Variants in BRPF3 observed in about 807,000 individuals in gnomAD.
BRPF3 encodes bromodomain and PHD finger-containing protein 3.
A neutral mutation model predicts 102.0 loss-of-function variants in BRPF3; 18 were observed. The observed-to-expected ratio is 0.18, with a 90% CI of 0.12 to 0.26. The LOEUF is 0.26. Among genes scored for constraint, BRPF3 ranks in the 10% least tolerant of loss-of-function variants. The pLI, the probability that BRPF3 is intolerant of heterozygous loss-of-function variation, is 1.00. For synonymous variants in BRPF3, 570 were observed against 614.2 expected, an observed-to-expected ratio of 0.93 and a Z score of 1.06; for missense variants, 1,147 against 1,567.8, an observed-to-expected ratio of 0.73 and a Z score of 4.53.
intron 9 of BRPF3, among the ~76,000 whole-genome samples, chr6:36,218,394 G>A (rs748956063): frequency 1.5e-4 from 23 of 151,922 alleles, no homozygotes; most frequent in Middle Eastern, 6.8e-3. Flanking sequence ...CTTTTGGGGC[G>A]TCATAGCCTC....
chr6:36,227,710 G>C (rs1014774677), intron 11 of BRPF3, among the ~76,000 whole-genome samples: 35 of 152,314 alleles, frequency 2.3e-4, no homozygotes, highest in Admixed American at 5.9e-4. Flanking sequence ...TTCTCCTTAA[G>C]ACCCTTTACT....
At chr6:36,226,859 C>A (rs1378748426) in intron 11 of BRPF3, among the ~76,000 whole-genome samples, 4 of 152,380 alleles carry the variant, frequency 2.6e-5, no homozygotes, top group Non-Finnish European at 1.5e-5. Flanking sequence ...GAGTTAGGGC[C>A]TGGGGCTGCC....
chr6:36,208,267 T>C (rs1008989829), intron 4 of BRPF3, among the ~76,000 whole-genome samples: 2 of 152,174 alleles, frequency 1.3e-5, no homozygotes, highest in Non-Finnish European at 2.9e-5. Flanking sequence ...ATTAAGTGGA[T>C]GAAAAGCCAA....
chr6:36,198,296 G>A (rs73413692), intron 1 of BRPF3, among the ~76,000 whole-genome samples: 4,957 of 152,242 alleles, frequency 0.033, 131 homozygotes, highest in African/African-American at 0.074. Flanking sequence ...TTAACAAGTA[G>A]CACCTAGAGA....
intron 12 of BRPF3, among the ~76,000 whole-genome samples, chr6:36,229,804 T>C (rs916538052): frequency 1.3e-4 from 20 of 152,196 alleles, no homozygotes; most frequent in African/African-American, 4.6e-4. Flanking sequence ...ATATATCTGA[T>C]CTCTTTTAAT....
In BRPF3 at chr6:36,200,072, A is replaced by G. The variant is rs1395942950; in HGVS notation, c.-26-225A>G. 6.6e-6 allele frequency among the ~76,000 whole-genome samples: 1 copy of G among 152,242 alleles called. No individual in the cohort carries two copies. Among genetic ancestry groups the G allele is most frequent in the African/African-American group, 2.4e-5 (1 of 41,466 alleles). ...TTGCTGGTGGAGGAAAAGGATTTGC[A>G]ATTTTAGATAAAGTGGTCAGAGAAG... On this transcript the variant is annotated intron_variant, in intron 1 of 12. Coordinates refer to ENST00000357641, the MANE Select transcript of BRPF3 (RefSeq NM_015695.3). The surrounding 1 kb of genome is among the most constrained non-coding windows in gnomAD (Gnocchi z 5.3).
At chr6:36,216,413 C>G (rs1203676637) in intron 8 of BRPF3, among the ~76,000 whole-genome samples, 3 of 152,222 alleles carry the variant, frequency 2.0e-5, no homozygotes, top group South Asian at 2.1e-4. Flanking sequence ...CTGCTAGAAT[C>G]CTGTCTCTCA....
At chr6:36,203,082 A>G (rs1767776605) in intron 2 of BRPF3, among the ~76,000 whole-genome samples, 1 of 152,212 alleles carries the variant, frequency 6.6e-6, no homozygotes, top group African/African-American at 2.4e-5. Context: ...GTGGATGCTT[A>G]GTTCCCATCT....
In BRPF3 at chr6:36,222,177, G is replaced by A. The variant is rs757044879; in HGVS notation, c.3093G>A (p.Thr1031=). ...GLAFEACSGL[T]PPKRSRGKPA... ...CCTGCTCTGTGTGCAGTGGTCTGACGCCCCCCAAACGCAGCCGTGGGAAGC... is the reference window on the plus strand; with the variant it reads ...CCTGCTCTGTGTGCAGTGGTCTGACACCCCCCAAACGCAGCCGTGGGAAGC... The change falls in exon 10 of 13, where the codon ACG becomes ACA. Residue 1031 remains threonine, a synonymous_variant. Transcript: ENST00000357641. 1.7e-5 allele frequency: 26 copies of A among 1,550,100 alleles called. No homozygotes were observed. Among genetic ancestry groups the A allele is most frequent in the Non-Finnish European group, 2.1e-5 (24 of 1,147,050 alleles).
chr6:36,222,490 TAAAAATC>T (rs1768585548), intron 10 of BRPF3, among the ~76,000 whole-genome samples: 1 of 151,308 alleles, frequency 6.6e-6, no homozygotes, highest in Non-Finnish European at 1.5e-5. Context: ...CCCATAGTAA[TAAAAATC>T]AAAAAGGTAC....
At chr6:36,229,596 G>T (rs7754042) in intron 12 of BRPF3, among the ~76,000 whole-genome samples, 11,139 of 152,212 alleles carry the variant, frequency 0.073, 747 homozygotes, top group African/African-American at 0.18. Flanking sequence ...TCCTGAGGGG[G>T]GTTCTGGCCA....
chr6:36,207,580 C>G, intron 4 of BRPF3, 136 bp downstream of exon 4: 1 of 1,185,598 alleles, frequency 8.4e-7, no homozygotes, highest in Non-Finnish European at 1.2e-6. Flanking sequence ...ATTGTAGGCT[C>G]CAAGATCTGC....
chr6:36,209,983 A>T, intron 5 of BRPF3, 68 bp downstream of exon 5: 1 of 1,590,626 alleles, frequency 6.3e-7, no homozygotes, highest in Non-Finnish European at 8.6e-7. Context: ...GTAGGCTAGG[A>T]AGGAGTTGGG....
At chr6:36,221,733 G>A (rs535652616) in intron 9 of BRPF3, among the ~76,000 whole-genome samples, 4 of 152,130 alleles carry the variant, frequency 2.6e-5, no homozygotes, top group Admixed American at 2.6e-4. Flanking sequence ...AGAAAATTTG[G>A]CAAAGAGGCA....
In BRPF3 at chr6:36,230,090, GC is replaced by G. The variant is rs1204553672; in HGVS notation, c.3435-333del. ...TCTCCAACGCAAGGCGAGGCTCAGAGCCCTCCAGGGTGGCTCAGCTGGCCCC... is the reference window on the plus strand; with the variant it reads ...TCTCCAACGCAAGGCGAGGCTCAGAGCCTCCAGGGTGGCTCAGCTGGCCCC... On this transcript the variant is annotated intron_variant, in intron 12 of 12. Transcript: ENST00000357641. The surrounding 1 kb of genome is among the most constrained non-coding windows in gnomAD (Gnocchi z 5.4). Among the ~76,000 whole-genome samples, 3 of 152,178 alleles carry G rather than the reference GC, an allele frequency of 2.0e-5. No individual in the cohort carries two copies. The highest frequency in any genetic ancestry group is 4.4e-5 in the Non-Finnish European group (3 of 68,020).
chr6:36,210,637 G>C lies in BRPF3; in HGVS notation c.2179+109G>C. Reference sequence around the variant, plus strand: ...CCTTGGGGCTATAGGTAGACTCCAGGAGCAAAGCTGAGGGTGAGCACAGAC... The same window carrying C: ...CCTTGGGGCTATAGGTAGACTCCAGCAGCAAAGCTGAGGGTGAGCACAGAC... On this transcript the variant is annotated intron_variant, in intron 6 of 12. Transcript: ENST00000357641. This position sits in a 1 kb window ranked among gnomAD's most constrained non-coding sequence, Gnocchi z 4.7. 1 of 986,572 alleles carries C rather than the reference G, an allele frequency of 1.0e-6. No individual in the cohort carries two copies. Among genetic ancestry groups the C allele is most frequent in the Non-Finnish European group, 1.5e-6 (1 of 680,176 alleles). The allele number at this position is 986,572 out of a possible 1,614,324, so 61.1% of individuals were successfully genotyped here.
chr6:36,204,821 G>A lies in BRPF3; in HGVS notation c.1605+7G>A. ...CCAAAGAAACGCTGAGCAGGTAGGT[G>A]CAGTGGTGATTTGAGGCTGGTAGAG... On this transcript the variant is annotated splice_region_variant and intron_variant, in intron 3 of 12. Coordinates refer to ENST00000357641, the MANE Select transcript of BRPF3 (RefSeq NM_015695.3). The A allele has an allele frequency of 6.2e-7, 1 of 1,611,392 alleles. No homozygotes were observed. Among genetic ancestry groups the A allele is most frequent in the Non-Finnish European group, 8.5e-7 (1 of 1,177,702 alleles).
intron 7 of BRPF3, among the ~76,000 whole-genome samples, chr6:36,213,637 T>C (rs1198028069): frequency 6.6e-6 from 1 of 151,472 alleles, no homozygotes; most frequent in Non-Finnish European, 1.5e-5. Flanking sequence ...CAGGAGTTTG[T>C]GGTTGCAGTG....
Sources: allele counts gnomAD v4.1 joint callset (sites outside exome capture counted in the v4.1 genomes callset), GRCh38; gene constraint gnomAD v4.1.1; non-coding constraint Gnocchi (gnomAD v3.1); transcripts MANE v1.5; gene names NCBI Gene and HGNC (gene_info 2026-07-23, HGNC 2026-07-21).